ADGRD1: variants seen among roughly 807,000 people sequenced by gnomAD.
ADGRD1 encodes the protein G-protein coupled receptor 133.
In ADGRD1, 77 loss-of-function variants were observed where a neutral mutation model predicts 113.4. That is an observed-to-expected ratio of 0.68 (90% CI 0.57 to 0.82). The LOEUF (loss-of-function observed/expected upper bound fraction) is 0.82, where lower values mean the gene tolerates loss of function less well. ADGRD1 is among the 40% of genes least tolerant of loss of function. ADGRD1 has a pLI of 0.00. For missense variants in ADGRD1, 1,036 were observed against 1,139.1 expected (o/e 0.91, Z 1.30); for synonymous variants, 474 against 475.0 (o/e 1.00, Z 0.03).
At position 130,998,450 on chromosome 12, in the gene ADGRD1, TTTTTC is replaced by T. The variant is rs372913626; in HGVS notation, c.967-1917_967-1913del. 7.7e-3 allele frequency among the ~76,000 whole-genome samples: 1,176 copies of T among 152,130 alleles called. 10 individuals are homozygous for T. Among genetic ancestry groups the T allele is most frequent in the African/African-American group, 0.027 (1,119 of 41,482 alleles). ...CCATTATACAAGTTAGTTTCTTTCT[TTTTTC>T]TTTTCTTTTCTTTTCCTTTCTTTTT... is the stretch of plus-strand genomic sequence containing the variant. On this transcript the variant is annotated intron_variant, in intron 8 of 24. Coordinates refer to ENST00000261654, the MANE Select transcript of ADGRD1 (RefSeq NM_198827.5).
intron 15 of ADGRD1, among the ~76,000 whole-genome samples, chr12:131,100,987 C>T (rs1950057606): frequency 1.3e-5 from 2 of 152,204 alleles, no homozygotes; most frequent in South Asian, 4.2e-4. Flanking sequence ...TCAGCAAATA[C>T]CTCTGGTTAC....
chr12:131,088,034 C>T (rs747395798), intron 15 of ADGRD1, among the ~76,000 whole-genome samples: 1 of 152,186 alleles, frequency 6.6e-6, no homozygotes, highest in Non-Finnish European at 1.5e-5. Flanking sequence ...CGCCAGGGCC[C>T]GGCCCACAGG....
At chr12:131,079,666 A>G (rs1885917374) in intron 14 of ADGRD1, among the ~76,000 whole-genome samples, 1 of 152,218 alleles carries the variant, frequency 6.6e-6, no homozygotes, top group South Asian at 2.1e-4. Context: ...ATGCAGGACT[A>G]TGTAGGTCGT....
Position 131,108,836 on chromosome 12 carries a change from C to T in ADGRD1, c.2000C>T (p.Ser667Leu), listed in dbSNP as rs377401276. ...LYSMVIKVFG[S>L]EDSKHRYYYG... ...AGCATGGTGATCAAGGTCTTTGGGT[C>T]GGAGGACAGCAAGCACCGTTACTAC... The change falls in exon 18 of 25, where the codon TCG (serine) becomes TTG (leucine). Residue 667 changes from serine (S) to leucine (L), a missense_variant. By Grantham distance (145) the Ser-to-Leu change is moderately radical (BLOSUM62 -2). Coordinates refer to ENST00000261654, the MANE Select transcript of ADGRD1 (RefSeq NM_198827.5). 5 of 1,514,430 alleles carry T rather than the reference C, an allele frequency of 3.3e-6. No individual in the cohort carries two copies. Among genetic ancestry groups the T allele is most frequent in the East Asian group, 2.7e-5 (1 of 37,028 alleles). The allele number at this position is 1,514,430 out of a possible 1,614,324, so 93.8% of individuals were successfully genotyped here.
intron 12 of ADGRD1, among the ~76,000 whole-genome samples, chr12:131,006,779 G>C (rs996789680): frequency 6.6e-6 from 1 of 152,166 alleles, no homozygotes; most frequent in Non-Finnish European, 1.5e-5. Flanking sequence ...AGGAAACACC[G>C]TCTTCTGCGT....
chr12:131,012,789 C>T (rs571372068), intron 12 of ADGRD1, among the ~76,000 whole-genome samples: 2 of 152,106 alleles, frequency 1.3e-5, no homozygotes, highest in Non-Finnish European at 2.9e-5. Context: ...CAGTGGGTGT[C>T]GAAACAGGGA....
chr12:131,111,975 T>C (rs189694449), intron 18 of ADGRD1, among the ~76,000 whole-genome samples: 15 of 152,338 alleles, frequency 9.8e-5, no homozygotes, highest in African/African-American at 3.6e-4. Flanking sequence ...TTTTTCCCCA[T>C]GTGTGTGTCA....
chr12:130,956,113 C>T lies in ADGRD1; in HGVS notation c.103+1453C>T, dbSNP rs1458481077. On this transcript the variant is annotated intron_variant, in intron 2 of 24. Coordinates refer to ENST00000261654, the MANE Select transcript of ADGRD1 (RefSeq NM_198827.5). ...TGGGAACCAGCCTTTAATGATCAAC[C>T]ACAAATGGACTCAGGCCAGCACTGT... 3.3e-5 allele frequency among the ~76,000 whole-genome samples: 5 copies of T among 152,214 alleles called. No homozygotes were observed. In the South Asian group the frequency reaches 8.3e-4, roughly 25 times the overall value.
chr12:130,981,917 G>A lies in ADGRD1; in HGVS notation c.344G>A (p.Gly115Glu). 1 of 1,613,340 alleles carries A rather than the reference G, an allele frequency of 6.2e-7. No individual in the cohort carries two copies. Among genetic ancestry groups the A allele is most frequent in the South Asian group, 1.1e-5 (1 of 90,968 alleles). ...VTFSFFWKTQ[G>E]EQSRPIPSAY... The stretch of plus-strand genomic sequence containing the variant: ...TTTTCTTTTTTCTGGAAGACACAAG[G>A]AGAACAGTCTAGACCAATCCCTTCT... The change falls in exon 5 of 25, where the codon GGA (glycine) becomes GAA (glutamate). Residue 115 changes from glycine (G) to glutamate (E), a missense_variant. By Grantham distance (98) the Gly-to-Glu change is moderately conservative (BLOSUM62 -2). Transcript: ENST00000261654.
chr12:131,080,511 A>G (rs1234185785), intron 14 of ADGRD1, among the ~76,000 whole-genome samples: 6 of 152,228 alleles, frequency 3.9e-5, no homozygotes, highest in Non-Finnish European at 8.8e-5. Flanking sequence ...TATGTCTTCT[A>G]TATTCTTACT....
At chr12:131,044,342 C>T (rs1039408144) in intron 13 of ADGRD1, among the ~76,000 whole-genome samples, 15 of 152,192 alleles carry the variant, frequency 9.9e-5, no homozygotes, top group Non-Finnish European at 1.5e-4. Flanking sequence ...GAGCTGGGTC[C>T]GCGCGTGTTG....
At chr12:131,026,759 G>A (rs12818393) in intron 13 of ADGRD1, 11,847 of 152,148 alleles carry the variant, frequency 0.078, 617 homozygotes, top group Middle Eastern at 0.12. Flanking sequence ...AACTAGATAC[G>A]TCTCTAGGCA....
intron 13 of ADGRD1, among the ~76,000 whole-genome samples, chr12:131,051,109 A>G (rs1883344152): frequency 6.6e-6 from 1 of 152,152 alleles, no homozygotes; most frequent in Non-Finnish European, 1.5e-5. Context: ...TCAACATGAG[A>G]TTTGGTGGGG....
At chr12:131,072,076 T>C (rs1885228220) in intron 13 of ADGRD1, among the ~76,000 whole-genome samples, 1 of 150,720 alleles carries the variant, frequency 6.6e-6, no homozygotes, top group Non-Finnish European at 1.5e-5. Context: ...TACTTTCTTT[T>C]CTTTGGGTTT....
intron 4 of ADGRD1, chr12:130,978,485 G>A (rs1872583955): frequency 6.6e-6 from 1 of 152,008 alleles, no homozygotes; most frequent in Admixed American, 6.5e-5. Context: ...TTTCCTTGTT[G>A]TATTGATGGC....
chr12:131,007,485 C>G (rs1165722651), intron 12 of ADGRD1, among the ~76,000 whole-genome samples: 1 of 152,228 alleles, frequency 6.6e-6, no homozygotes, highest in East Asian at 1.9e-4. Flanking sequence ...TCTGGGGAGC[C>G]CACAGCCTTG....
chr12:131,136,022 A>G lies in ADGRD1; in HGVS notation c.2268-15A>G, dbSNP rs1566143819. ...CCTCCTGCCACTCAGGGTGACTGTC[A>G]CTGTTTCTCTCCAGGTTGACAGCCA... On this transcript the variant is annotated splice_polypyrimidine_tract_variant and intron_variant, in intron 21 of 24. Transcript: ENST00000261654. 1.2e-6 allele frequency: 2 copies of G among 1,613,884 alleles called. No individual in the cohort carries two copies. The highest frequency in any genetic ancestry group is 2.2e-5 in the South Asian group (2 of 91,056).
At chr12:130,959,388 A>C (rs1870085679) in intron 2 of ADGRD1, among the ~76,000 whole-genome samples, 1 of 152,140 alleles carries the variant, frequency 6.6e-6, no homozygotes, top group Admixed American at 6.5e-5. Context: ...CCTGGGCAAC[A>C]TAGTGAGACC....
At chr12:131,065,543 C>G (rs764079408) in intron 13 of ADGRD1, among the ~76,000 whole-genome samples, 5 of 152,154 alleles carry the variant, frequency 3.3e-5, no homozygotes, top group Admixed American at 6.5e-5. Context: ...GTCTGTGTTT[C>G]CTGATACGGA....
Sources: gnomAD v4.1 joint callset for allele counts (sites outside exome capture counted in the v4.1 genomes callset) on GRCh38, gnomAD v4.1.1 for gene constraint, MANE v1.5 for transcripts, NCBI Gene and HGNC (gene_info 2026-07-23, HGNC 2026-07-21) for gene names.